CPLX1: variants seen among roughly 807,000 people sequenced by gnomAD.
CPLX1 encodes complexin 1, also known as complexin-1.
In CPLX1, 6 loss-of-function variants were observed where a neutral mutation model predicts 15.6. That is an observed-to-expected ratio of 0.39 (90% CI 0.21 to 0.76). The LOEUF is 0.76. Ranked by LOEUF, CPLX1 falls within the 30% of genes least tolerant of loss-of-function variation. The pLI is 0.43. For synonymous variants in CPLX1, 91 were observed against 75.2 expected, an observed-to-expected ratio of 1.21 and a Z score of -1.08; for missense variants, 242 against 188.6, an observed-to-expected ratio of 1.28 and a Z score of -1.66.
intron 3 of CPLX1, chr4:788,074 G>T: frequency 2.0e-6 from 2 of 985,420 alleles, no homozygotes; most frequent in South Asian, 4.7e-5. Flanking sequence ...CTACAGGACG[G>T]AGGAGCACAC....
At chr4:825,597 G>C (rs544514363) in intron 1 of CPLX1, among the ~76,000 whole-genome samples, 1 of 151,980 alleles carries the variant, frequency 6.6e-6, no homozygotes, top group Admixed American at 6.5e-5. Context: ...GAGCGCGCCA[G>C]GAGAGGAAAG....
chr4:793,032 G>T (rs1010981395), intron 2 of CPLX1, among the ~76,000 whole-genome samples: 1 of 152,230 alleles, frequency 6.6e-6, no homozygotes, highest in Non-Finnish European at 1.5e-5. Context: ...CTGTGTGGTT[G>T]TGCATGTGTG....
chr4:824,722 C>A (rs554887214), intron 1 of CPLX1, 121 bp from the exon 2 acceptor site: 30 of 708,808 alleles, frequency 4.2e-5, no homozygotes, highest in Non-Finnish European at 7.1e-5. Flanking sequence ...CCTGGAGCGG[C>A]TGCCTGGGAA....
chr4:786,884 G>GC (rs1746010819), intron 3 of CPLX1, 186 bp from the exon 4 acceptor site: 2 of 982,744 alleles, frequency 2.0e-6, no homozygotes, highest in African/African-American at 3.5e-5. Flanking sequence ...GGAATGGGAA[G>GC]CCCCCACGGA....
chr4:799,231 A>G (rs868083217), intron 2 of CPLX1, among the ~76,000 whole-genome samples: 8 of 152,244 alleles, frequency 5.3e-5, no homozygotes, highest in Non-Finnish European at 2.9e-5. Context: ...CGCTACAGAG[A>G]GAGGCCAAGA....
At chr4:797,567 C>G (rs1363110567) in intron 2 of CPLX1, among the ~76,000 whole-genome samples, 1 of 151,902 alleles carries the variant, frequency 6.6e-6, no homozygotes, top group East Asian at 2.0e-4. Context: ...ACCTCCTGAT[C>G]CACCCGCCTC....
At chr4:813,877 A>C (rs1280042869) in intron 2 of CPLX1, among the ~76,000 whole-genome samples, 3 of 152,238 alleles carry the variant, frequency 2.0e-5, no homozygotes, top group Admixed American at 6.5e-5. Flanking sequence ...CACACACAGA[A>C]GACTTCCAAC....
chr4:786,920 G>C lies in CPLX1; in HGVS notation c.208-222C>G, dbSNP rs1037245346. On this transcript the variant is annotated intron_variant, in intron 3 of 3. Transcript: ENST00000304062. ...GAATGGGGGCCAGGAGCTGACATGG[G>C]GGGGAGCAGGGAGGGGGAGGCTCCC... The C allele has an allele frequency of 3.4e-5, 33 of 978,634 alleles. No homozygotes were observed. In the East Asian group the frequency reaches 3.4e-4, roughly 10 times the overall value. The allele number at this position is 978,634 out of a possible 1,614,324, so 60.6% of individuals were successfully genotyped here. A position where few individuals can be genotyped will look rare whatever the true frequency, so the allele number is the denominator to read the frequency against.
At chr4:790,480 C>T (rs1157247805) in intron 3 of CPLX1, among the ~76,000 whole-genome samples, 3 of 152,192 alleles carry the variant, frequency 2.0e-5, no homozygotes, top group Non-Finnish European at 4.4e-5. Flanking sequence ...CTGGCATCTC[C>T]CAGTCTCTGG....
At chr4:818,600 G>A (rs1389076744) in intron 2 of CPLX1, among the ~76,000 whole-genome samples, 3 of 152,260 alleles carry the variant, frequency 2.0e-5, no homozygotes, top group East Asian at 1.9e-4. Flanking sequence ...AAGGCCCCCC[G>A]TCCACACCGC....
At chr4:808,239 CATAA>C (rs552670348) in intron 2 of CPLX1, among the ~76,000 whole-genome samples, 15 of 150,364 alleles carry the variant, frequency 1.0e-4, no homozygotes, top group South Asian at 2.1e-4. Flanking sequence ...TCAATAAATA[CATAA>C]ATAAATAAAT....
rs77531850 is a variant in CPLX1, at chr4:796,921, G to T, written c.32-4313C>A. Among the ~76,000 whole-genome samples the T allele has an allele frequency of 2.9e-3, 435 of 152,252 alleles. 1 individual carries two copies. Among genetic ancestry groups the T allele is most frequent in the Non-Finnish European group, 4.8e-3 (328 of 68,032 alleles). On this transcript the variant is annotated intron_variant, in intron 2 of 3. Transcript: ENST00000304062. The stretch of plus-strand genomic sequence containing the variant: ...TGCAGTGGGAGGAAGACAGACAACG[G>T]GCCCAGAGTGGGGAGCCCATCCCCA...
chr4:799,081 G>T (rs1261596811), intron 2 of CPLX1, among the ~76,000 whole-genome samples: 1 of 152,202 alleles, frequency 6.6e-6, no homozygotes, highest in Non-Finnish European at 1.5e-5. Flanking sequence ...TTAGAATCAG[G>T]AAACAGAACC....
chr4:821,032 C>A (rs947095310), intron 2 of CPLX1, among the ~76,000 whole-genome samples: 5 of 152,192 alleles, frequency 3.3e-5, no homozygotes, highest in Non-Finnish European at 4.4e-5. Flanking sequence ...CAGGACCGCA[C>A]CCCTACGGTG....
intron 2 of CPLX1, among the ~76,000 whole-genome samples, chr4:820,439 GACAGGGTGGAC>G (rs1746840173): frequency 1.3e-5 from 2 of 152,350 alleles, no homozygotes; most frequent in South Asian, 4.1e-4. Flanking sequence ...CTCTGTCTGG[GACAGGGTGGAC>G]ACCCAACCTT....
At chr4:794,946 G>C (rs1489861659) in intron 2 of CPLX1, among the ~76,000 whole-genome samples, 1 of 152,226 alleles carries the variant, frequency 6.6e-6, no homozygotes, top group African/African-American at 2.4e-5. Flanking sequence ...TGCCTGTGGG[G>C]GGCCCTCCCG....
intron 3 of CPLX1, among the ~76,000 whole-genome samples, chr4:791,504 A>G (rs1162432018): frequency 2.6e-5 from 4 of 151,920 alleles, no homozygotes; most frequent in Non-Finnish European, 5.9e-5. Context: ...CAGCTTCCCC[A>G]CAACACCCCG....
At position 806,306 on chromosome 4, in the gene CPLX1, C is replaced by A. The variant is rs145594673; in HGVS notation, c.32-13698G>T. Among the ~76,000 whole-genome samples, 490 of 152,212 alleles carry A rather than the reference C, an allele frequency of 3.2e-3. 4 individuals carry two copies. The highest frequency in any genetic ancestry group is 0.011 in the African/African-American group (469 of 41,522). ...TGACAAAAACAATGAGGAAAGGATT[C>A]CCTATTTAATAAATGGTGCTGGGAG... is the stretch of plus-strand genomic sequence containing the variant. On this transcript the variant is annotated intron_variant, in intron 2 of 3. Transcript: ENST00000304062.
chr4:825,084 C>T (rs530003482), intron 1 of CPLX1, among the ~76,000 whole-genome samples: 2 of 152,254 alleles, frequency 1.3e-5, no homozygotes, highest in East Asian at 3.9e-4. Context: ...CTATCCCTGA[C>T]GGCACTGCAG....
Sources: allele counts gnomAD v4.1 joint callset (sites outside exome capture counted in the v4.1 genomes callset), GRCh38; gene constraint gnomAD v4.1.1; transcripts MANE v1.5; gene names NCBI Gene and HGNC (gene_info 2026-07-23, HGNC 2026-07-21).